PBX3: variants seen among roughly 807,000 people sequenced by gnomAD.
PBX3 encodes the protein PBX homeobox 3, also known as pre-B-cell leukemia transcription factor 3.
In PBX3, 14 loss-of-function variants were observed where a neutral mutation model predicts 48.5. The ratio of observed to expected loss-of-function variants is 0.29; its 90% CI spans 0.19 to 0.45. The LOEUF is 0.45. PBX3 is among the 20% of genes least tolerant of loss of function. The pLI, the probability that PBX3 is intolerant of heterozygous loss-of-function variation, is 1.00. For missense variants in PBX3, 386 were observed against 546.7 expected (o/e 0.71, Z 2.93); for synonymous variants, 210 against 200.3 (o/e 1.05, Z -0.41).
intron 5 of PBX3, among the ~76,000 whole-genome samples, chr9:125,942,074 C>T (rs1287537118): frequency 6.6e-6 from 1 of 152,150 alleles, no homozygotes; most frequent in Non-Finnish European, 1.5e-5. Flanking sequence ...GCAAATAAGA[C>T]CTGCTTTTAT....
chr9:125,881,674 A>G (rs1252173932), intron 2 of PBX3, among the ~76,000 whole-genome samples: 2 of 152,076 alleles, frequency 1.3e-5, no homozygotes, highest in African/African-American at 4.8e-5. Context: ...GCTAGGGTGT[A>G]GCAGTAGGAC....
intron 2 of PBX3, chr9:125,843,959 G>T (rs1839357567): frequency 3.5e-6 from 1 of 287,086 alleles, no homozygotes; most frequent in African/African-American, 2.2e-5. Flanking sequence ...GTGTTAAGAT[G>T]AAAGATCAGA....
At chr9:125,785,528 C>CA (rs1837435506) in intron 2 of PBX3, among the ~76,000 whole-genome samples, 1 of 152,162 alleles carries the variant, frequency 6.6e-6, no homozygotes, top group Non-Finnish European at 1.5e-5. Context: ...GGCCTTTGGT[C>CA]ACAGACTGAA....
At chr9:125,818,588 A>G (rs770525878) in intron 2 of PBX3, among the ~76,000 whole-genome samples, 13 of 152,116 alleles carry the variant, frequency 8.5e-5, no homozygotes, top group Non-Finnish European at 1.8e-4. Context: ...ACCCCAAGTG[A>G]TCTGCCTGCC....
chr9:125,829,244 A>T (rs1466956374), intron 2 of PBX3, among the ~76,000 whole-genome samples: 1 of 152,160 alleles, frequency 6.6e-6, no homozygotes, highest in Non-Finnish European at 1.5e-5. Flanking sequence ...CCAGAAATTC[A>T]TTTATTCACA....
intron 2 of PBX3, among the ~76,000 whole-genome samples, chr9:125,789,084 T>C (rs1462498349): frequency 6.6e-6 from 1 of 152,344 alleles, no homozygotes; most frequent in South Asian, 2.1e-4. Context: ...ATTTTCAACA[T>C]TGACACATTT....
At chr9:125,818,426 C>T (rs141439435) in intron 2 of PBX3, among the ~76,000 whole-genome samples, 5,915 of 151,834 alleles carry the variant, frequency 0.039, 407 homozygotes, top group African/African-American at 0.13. Context: ...CCTCTGCCTC[C>T]TGGGTTCAAT....
At chr9:125,804,244 T>G (rs978157248) in intron 2 of PBX3, among the ~76,000 whole-genome samples, 1 of 152,234 alleles carries the variant, frequency 6.6e-6, no homozygotes. Context: ...ATAAAGATTC[T>G]TAGGTCTATG....
chr9:125,939,917 A>T (rs1055709192), intron 5 of PBX3, among the ~76,000 whole-genome samples: 1 of 152,198 alleles, frequency 6.6e-6, no homozygotes, highest in African/African-American at 2.4e-5. Context: ...TGATAAAATT[A>T]AAAAAGGGCC....
chr9:125,771,166 T>TC (rs1836931878), intron 2 of PBX3, among the ~76,000 whole-genome samples: 1 of 152,226 alleles, frequency 6.6e-6, no homozygotes, highest in Non-Finnish European at 1.5e-5. Context: ...GGTGCATATT[T>TC]CATTACTTAA....
chr9:125,793,366 A>AAAAAAAATATATATATATATAT (rs59271982), intron 2 of PBX3, among the ~76,000 whole-genome samples: 2 of 101,940 alleles, frequency 2.0e-5, no homozygotes, highest in African/African-American at 8.4e-5. Context: ...GGAAAAAAAA[A>AAAAAAAATATATATATATATAT]ATATATATAT....
At chr9:125,780,266 G>A in intron 2 of PBX3, among the ~76,000 whole-genome samples, 1 of 136,522 alleles carries the variant, frequency 7.3e-6, no homozygotes, top group South Asian at 2.3e-4. Context: ...CCTCCCGGAT[G>A]GGGTGGCTGG....
chr9:125,760,108 C>A (rs568014693), intron 2 of PBX3, among the ~76,000 whole-genome samples: 1 of 152,166 alleles, frequency 6.6e-6, no homozygotes, highest in Non-Finnish European at 1.5e-5. Flanking sequence ...GTTTATTTCA[C>A]GCGGTTTGTT....
At chr9:125,804,823 T>C (rs1838070929) in intron 2 of PBX3, among the ~76,000 whole-genome samples, 1 of 116,910 alleles carries the variant, frequency 8.6e-6, no homozygotes. Context: ...GGCGGGTACC[T>C]GTAATCCCAG....
At chr9:125,830,408 T>G (rs1010000947) in intron 2 of PBX3, among the ~76,000 whole-genome samples, 1 of 152,160 alleles carries the variant, frequency 6.6e-6, no homozygotes, top group Non-Finnish European at 1.5e-5. Context: ...AACAAACTTC[T>G]TTAATGTTAC....
At chr9:125,758,473 C>T (rs571768215) in intron 2 of PBX3, among the ~76,000 whole-genome samples, 66 of 152,104 alleles carry the variant, frequency 4.3e-4, no homozygotes, top group African/African-American at 1.5e-3. Flanking sequence ...TCAAAGTTTT[C>T]GTTTAGATGA....
rs1446338638 is a variant in PBX3 at position 125,896,015 on chromosome 9, C to T, written c.275-19671C>T. On this transcript the variant is annotated intron_variant, in intron 2 of 8. Coordinates refer to ENST00000373489, the MANE Select transcript of PBX3 (RefSeq NM_006195.6). ...ATACTTGCTACTTTACAAAGTAAATCAAACTGCTGCAAAATACTCACTTAT... is the reference window on the plus strand; with the variant it reads ...ATACTTGCTACTTTACAAAGTAAATTAAACTGCTGCAAAATACTCACTTAT... Among the ~76,000 whole-genome samples, 5 of 152,018 alleles carry T rather than the reference C, an allele frequency of 3.3e-5. No homozygotes were observed. In the East Asian group the frequency reaches 9.6e-4, roughly 29 times the overall value.
chr9:125,937,249 C>T (rs1841857500), intron 5 of PBX3, among the ~76,000 whole-genome samples: 1 of 151,992 alleles, frequency 6.6e-6, no homozygotes, highest in African/African-American at 2.4e-5. Flanking sequence ...AGAGTGTGCT[C>T]AATACACACT....
intron 2 of PBX3, among the ~76,000 whole-genome samples, chr9:125,865,007 C>T (rs1413988699): frequency 6.6e-6 from 1 of 152,220 alleles, no homozygotes; most frequent in African/African-American, 2.4e-5. Context: ...ATCAGTTGTG[C>T]ATGCATAACA....
Sources: allele counts gnomAD v4.1 joint callset (sites outside exome capture counted in the v4.1 genomes callset), GRCh38; gene constraint gnomAD v4.1.1; transcripts MANE v1.5; gene names NCBI Gene and HGNC (gene_info 2026-07-23, HGNC 2026-07-21).